TTBK2: variants seen among roughly 807,000 people sequenced by gnomAD.
TTBK2 encodes the protein tau tubulin kinase 2.
Under a neutral mutation model 110.8 loss-of-function variants are expected in TTBK2, and 28 were observed. That is an observed-to-expected ratio of 0.25 (90% CI 0.19 to 0.35). The LOEUF is 0.35. TTBK2 is among the 10% of genes least tolerant of loss of function. The probability of loss-of-function intolerance (pLI) is 1.00; values close to 1 mark genes in which losing one functional copy is unlikely to be tolerated. For synonymous variants in TTBK2, 532 were observed against 527.3 expected, an observed-to-expected ratio of 1.01 and a Z score of -0.12; for missense variants, 1,369 against 1,500.3, an observed-to-expected ratio of 0.91 and a Z score of 1.45.
intron 4 of TTBK2, among the ~76,000 whole-genome samples, chr15:42,835,004 G>A (rs148441347): frequency 2.8e-3 from 425 of 152,212 alleles, no homozygotes; most frequent in Non-Finnish European, 4.5e-3. Context: ...TCTAAAAACT[G>A]ATAAATAAAA....
At chr15:42,873,237 G>A (rs149678972) in intron 2 of TTBK2, among the ~76,000 whole-genome samples, 2,506 of 152,250 alleles carry the variant, frequency 0.016, 34 homozygotes, top group Non-Finnish European at 0.025. Context: ...TTCGAGACCA[G>A]CCTGGCCAAC....
chr15:42,768,401 C>T (rs965344426), intron 13 of TTBK2, among the ~76,000 whole-genome samples: 52 of 152,320 alleles, frequency 3.4e-4, no homozygotes, highest in Admixed American at 1.1e-3. Flanking sequence ...AGCTGATAAG[C>T]AACTTCAGCA....
intron 13 of TTBK2, among the ~76,000 whole-genome samples, chr15:42,757,158 G>T (rs959265989): frequency 6.6e-6 from 1 of 151,576 alleles, no homozygotes; most frequent in African/African-American, 2.4e-5. Flanking sequence ...CCCAGGCTAG[G>T]TGCAGTGGTG....
chr15:42,916,266 T>C (rs958976589), intron 1 of TTBK2, among the ~76,000 whole-genome samples: 1 of 152,182 alleles, frequency 6.6e-6, no homozygotes, highest in Non-Finnish European at 1.5e-5. Context: ...TTTTTTTCTT[T>C]GGTTATTCAT....
At chr15:42,861,602 A>G (rs1894160555) in intron 3 of TTBK2, among the ~76,000 whole-genome samples, 1 of 152,126 alleles carries the variant, frequency 6.6e-6, no homozygotes, top group Non-Finnish European at 1.5e-5. Flanking sequence ...CAATGTTAAG[A>G]GGAAAGTTTG....
chr15:42,763,179 T>TAC (rs1567008988), intron 13 of TTBK2, among the ~76,000 whole-genome samples: 27 of 22,356 alleles, frequency 1.2e-3, no homozygotes, highest in Non-Finnish European at 1.9e-3. Context: ...TATATATATA[T>TAC]ATATATATAT....
In TTBK2 at chr15:42,853,930, A is replaced by AT. The variant is rs557212348; in HGVS notation, c.218-13498dup. Among the ~76,000 whole-genome samples, 415 of 139,802 alleles carry AT rather than the reference A, an allele frequency of 3.0e-3. 1 individual carries two copies. The highest frequency in any genetic ancestry group is 0.021 in the Middle Eastern group (6 of 284). The allele number at this position is 139,802 out of a possible 152,430, so 91.7% of individuals were successfully genotyped here. ...AAATGAGAAATCAGATCTACAGAAT[A>AT]TTTTTTTTTTATTTATTTACTTAGA... On this transcript the variant is annotated intron_variant, in intron 3 of 14. Transcript: ENST00000267890.
chr15:42,794,763 A>G lies in TTBK2; in HGVS notation c.861T>C (p.Phe287=). The part of the protein sequence containing the change: ...TSVFDNSIKT[F]GVIESDPFDW... The stretch of plus-strand genomic sequence containing the variant: ...CAAAAGGGTCACTCTCAATTACTCC[A>G]AAAGTCTTGATGCTATTGTCAAACA... Residue 287 remains phenylalanine (F), a synonymous_variant, in exon 10 of 15, where the codon TTT becomes TTC. Transcript: ENST00000267890. 1 of 1,614,168 alleles carries G rather than the reference A, an allele frequency of 6.2e-7. No homozygotes were observed. Among genetic ancestry groups the G allele is most frequent in the Non-Finnish European group, 8.5e-7 (1 of 1,180,030 alleles).
At chr15:42,820,989 T>G (rs1892268354) in intron 6 of TTBK2, among the ~76,000 whole-genome samples, 1 of 151,482 alleles carries the variant, frequency 6.6e-6, no homozygotes, top group East Asian at 1.9e-4. Context: ...TGTAGTGAGC[T>G]GAGATCGTGC....
rs1342272357 is a variant in TTBK2 at position 42,752,132 on chromosome 15, A to G, written c.3114T>C (p.Asp1038=). ...GGGAGATGATGGGTGACAGAAAGCT[A>G]TCTTCAGCTGACCTACTCAGGTGAG... ...VDSHLSRSAE[D]SFLSPIISQS... is the part of the protein sequence containing the mutation. Residue 1038 remains aspartate, a synonymous_variant, in exon 14 of 15, where the codon GAT becomes GAC. Transcript: ENST00000267890. 6 of 1,614,098 alleles carry G rather than the reference A, an allele frequency of 3.7e-6. No individual in the cohort carries two copies. The African/African-American group carries it at 8.0e-5, about 22-fold the overall frequency.
intron 1 of TTBK2, 57 bp from the exon 2 acceptor site, chr15:42,878,741 A>G: frequency 6.4e-7 from 1 of 1,568,412 alleles, no homozygotes; most frequent in African/African-American, 1.3e-5. Context: ...AATCAACACA[A>G]ATAACATTCC....
chr15:42,775,757 CTAAGGAAACATTTA>C, intron 12 of TTBK2, 34 bp from the exon 13 acceptor site: 1 of 1,538,458 alleles, frequency 6.5e-7, no homozygotes, highest in Non-Finnish European at 8.9e-7. Context: ...CTCAACTGTC[CTAAGGAAACATTTA>C]TTATATAATA....
intron 3 of TTBK2, among the ~76,000 whole-genome samples, chr15:42,862,296 G>A (rs1430648282): frequency 6.6e-6 from 1 of 151,904 alleles, no homozygotes; most frequent in Admixed American, 6.6e-5. Context: ...AGAAAACTTC[G>A]GGCCAATATC....
chr15:42,874,999 T>A (rs558662600), intron 2 of TTBK2, among the ~76,000 whole-genome samples: 3 of 150,836 alleles, frequency 2.0e-5, no homozygotes, highest in Admixed American at 2.0e-4. Context: ...AAAAAAAAAA[T>A]TGATACTTAT....
At chr15:42,878,812 GA>G (rs1325129342) in intron 1 of TTBK2, 128 bp from the exon 2 acceptor site, 7 of 1,203,626 alleles carry the variant, frequency 5.8e-6, no homozygotes, top group Non-Finnish European at 7.9e-6. Flanking sequence ...GGAAGAAGGG[GA>G]AAAAGACCTA....
intron 4 of TTBK2, among the ~76,000 whole-genome samples, chr15:42,839,932 T>G (rs1893153080): frequency 6.6e-6 from 1 of 152,146 alleles, no homozygotes; most frequent in Non-Finnish European, 1.5e-5. Flanking sequence ...AGATCTTGGA[T>G]TTTCCAACCT....
intron 9 of TTBK2, among the ~76,000 whole-genome samples, chr15:42,796,131 C>A (rs924497399): frequency 1.3e-5 from 2 of 151,750 alleles, no homozygotes; most frequent in Non-Finnish European, 2.9e-5. Flanking sequence ...TGGCCACGCA[C>A]GGTGGCTCAC....
chr15:42,812,788 AT>A (rs1264273698), intron 7 of TTBK2, among the ~76,000 whole-genome samples: 1 of 152,168 alleles, frequency 6.6e-6, no homozygotes, highest in African/African-American at 2.4e-5. Context: ...ACCCAACCAG[AT>A]TTGGAAAATG....
intron 13 of TTBK2, among the ~76,000 whole-genome samples, chr15:42,765,430 G>C (rs1251799269): frequency 6.6e-6 from 1 of 152,196 alleles, no homozygotes; most frequent in Non-Finnish European, 1.5e-5. Context: ...TAAATGACCT[G>C]ATGGAGCTGA....
Sources: allele counts gnomAD v4.1 joint callset (sites outside exome capture counted in the v4.1 genomes callset), GRCh38; gene constraint gnomAD v4.1.1; transcripts MANE v1.5; gene names NCBI Gene and HGNC (gene_info 2026-07-23, HGNC 2026-07-21).